IL1RAPL1: variants seen among roughly 807,000 people sequenced by gnomAD.
IL1RAPL1 encodes the protein interleukin 1 receptor accessory protein like 1, also known as interleukin-1 receptor accessory protein-like 1.
In IL1RAPL1, 3 loss-of-function variants were observed where a neutral mutation model predicts 48.4. The ratio of observed to expected loss-of-function variants is 0.06; its 90% confidence interval spans 0.03 to 0.16. The LOEUF is 0.16. IL1RAPL1 is among the 10% of genes least tolerant of loss of function. The pLI, the probability that IL1RAPL1 is intolerant of heterozygous loss-of-function variation, is 1.00. For synonymous variants in IL1RAPL1, 185 were observed against 187.7 expected (o/e 0.99, Z 0.12); for missense variants, 349 against 530.6 (o/e 0.66, Z 3.36).
chrX:29,156,524 C>A (rs749204663), intron 2 of IL1RAPL1, among the ~76,000 whole-genome samples: 3 of 111,873 alleles, frequency 2.7e-5, no homozygotes, highest in Admixed American at 1.9e-4. Flanking sequence ...TTATCTTTAG[C>A]GATTCCTTTC....
At chrX:29,398,700 T>C (rs1933949701) in intron 4 of IL1RAPL1, among the ~76,000 whole-genome samples, 1 of 112,247 alleles carries the variant, frequency 8.9e-6, no homozygotes, top group African/African-American at 3.2e-5. Flanking sequence ...CAGCAAATTT[T>C]CTGCTTTCCA....
At chrX:29,803,618 T>C (rs1385216211) in intron 6 of IL1RAPL1, among the ~76,000 whole-genome samples, 2 of 103,568 alleles carry the variant, frequency 1.9e-5, no homozygotes, top group Non-Finnish European at 3.9e-5. Flanking sequence ...CACGTGTGTA[T>C]ATATGTATAT....
At chrX:28,715,365 C>T (rs776388499) in intron 1 of IL1RAPL1, among the ~76,000 whole-genome samples, 2 of 111,770 alleles carry the variant, frequency 1.8e-5, no homozygotes, top group Non-Finnish European at 3.8e-5. Context: ...AAAGATACAT[C>T]GTACCAGAAT....
chrX:29,202,111 A>G (rs1341321417), intron 2 of IL1RAPL1, among the ~76,000 whole-genome samples: 1 of 112,782 alleles, frequency 8.9e-6, no homozygotes, highest in Non-Finnish European at 1.9e-5. Context: ...TATGCAAACT[A>G]TGCAACCGAC....
intron 2 of IL1RAPL1, among the ~76,000 whole-genome samples, chrX:28,802,555 G>A (rs1472905923): frequency 1.8e-5 from 2 of 111,985 alleles, no homozygotes; most frequent in East Asian, 5.6e-4. Flanking sequence ...TTGCTACCTT[G>A]AGCTCAATAA....
intron 3 of IL1RAPL1, among the ~76,000 whole-genome samples, chrX:29,288,718 T>TA (rs1932325808): frequency 8.9e-6 from 1 of 112,347 alleles, no homozygotes; most frequent in African/African-American, 3.2e-5. Context: ...TGTTTCTATA[T>TA]CTTTGAGGAA....
intron 6 of IL1RAPL1, among the ~76,000 whole-genome samples, chrX:29,908,253 G>A (rs979915309): frequency 1.6e-4 from 18 of 109,805 alleles, no homozygotes; most frequent in African/African-American, 6.0e-4. Flanking sequence ...TAGGCAGATA[G>A]TGTTTCATTT....
intron 5 of IL1RAPL1, among the ~76,000 whole-genome samples, chrX:29,419,342 C>A (rs1464981140): frequency 9.2e-6 from 1 of 108,370 alleles, no homozygotes; most frequent in Non-Finnish European, 1.9e-5. Context: ...TTTTTTGAGC[C>A]AGAGTTTCGC....
At chrX:29,449,038 G>C (rs1337777205) in intron 5 of IL1RAPL1, among the ~76,000 whole-genome samples, 2 of 111,153 alleles carry the variant, frequency 1.8e-5, no homozygotes, top group African/African-American at 6.5e-5. Flanking sequence ...TCACATTGGG[G>C]GTTAGTGCTT....
chrX:29,757,687 T>C (rs143363340), intron 6 of IL1RAPL1, among the ~76,000 whole-genome samples: 1 of 112,047 alleles, frequency 8.9e-6, no homozygotes, highest in African/African-American at 3.2e-5. Context: ...TGGAGAGTTT[T>C]TTCCTAACTA....
intron 2 of IL1RAPL1, among the ~76,000 whole-genome samples, chrX:28,902,636 T>C (rs1480240358): frequency 6.3e-5 from 7 of 111,964 alleles, no homozygotes; most frequent in Non-Finnish European, 9.4e-5. Flanking sequence ...TTTTATCTAC[T>C]CTTCAAAACT....
chrX:29,127,629 G>A (rs1423489873), intron 2 of IL1RAPL1, among the ~76,000 whole-genome samples: 4 of 111,546 alleles, frequency 3.6e-5, no homozygotes, highest in African/African-American at 1.3e-4. Flanking sequence ...ACTGCCTACA[G>A]CACACCTCCA....
chrX:28,628,697 T>G (rs73205766), intron 1 of IL1RAPL1, among the ~76,000 whole-genome samples: 26,529 of 111,426 alleles, frequency 0.24, 3,074 homozygotes, highest in Non-Finnish European at 0.35. Flanking sequence ...CCAAGTCAAA[T>G]GCATGAAACT....
intron 5 of IL1RAPL1, among the ~76,000 whole-genome samples, chrX:29,430,593 ATGTGTG>A (rs1190938424): frequency 2.0e-5 from 1 of 50,808 alleles, no homozygotes; most frequent in Non-Finnish European, 3.8e-5. Context: ...ATATATATAT[ATGTGTG>A]TGTGTGTGTG....
At chrX:29,612,955 C>T (rs1217379425) in intron 5 of IL1RAPL1, among the ~76,000 whole-genome samples, 2 of 112,022 alleles carry the variant, frequency 1.8e-5, no homozygotes, top group African/African-American at 3.2e-5. Flanking sequence ...ACATAAGTTT[C>T]CTGCCCTCTG....
At chrX:29,455,504 G>A (rs67944466) in intron 5 of IL1RAPL1, among the ~76,000 whole-genome samples, 11,178 of 111,311 alleles carry the variant, frequency 0.1, 935 homozygotes, top group African/African-American at 0.28. Flanking sequence ...AAAGTGTTCA[G>A]GCAAAGGAAC....
intron 1 of IL1RAPL1, among the ~76,000 whole-genome samples, chrX:28,728,534 C>T (rs187162669): frequency 1.7e-3 from 188 of 111,283 alleles, no homozygotes; most frequent in Middle Eastern, 4.6e-3. Flanking sequence ...GAGGAAAGAT[C>T]GTTCTATCTT....
Position 29,850,578 on chromosome X carries a change from C to A in IL1RAPL1, c.779-66886C>A, listed in dbSNP as rs746560160. On this transcript the variant is annotated intron_variant, in intron 6 of 10. Coordinates refer to ENST00000378993, the MANE Select transcript of IL1RAPL1 (RefSeq NM_014271.4). ...GTGGTGCAGACCACCCTCTCCCCTGCTGGAGCCCGTAAGGCTCGGTGTGGG... is the reference window on the plus strand; with the variant it reads ...GTGGTGCAGACCACCCTCTCCCCTGATGGAGCCCGTAAGGCTCGGTGTGGG... 4.4e-5 allele frequency among the ~76,000 whole-genome samples: 5 copies of A among 112,526 alleles called. No homozygotes were observed. The South Asian group carries it at 1.9e-3, about 42-fold the overall frequency.
At chrX:29,809,407 T>C (rs994360945) in intron 6 of IL1RAPL1, among the ~76,000 whole-genome samples, 42 of 110,557 alleles carry the variant, frequency 3.8e-4, no homozygotes, top group African/African-American at 1.3e-3. Context: ...CCGGCCGAGT[T>C]TGAACGTTTT....
Sources: gnomAD v4.1 joint callset for allele counts (sites outside exome capture counted in the v4.1 genomes callset) on GRCh38, gnomAD v4.1.1 for gene constraint, MANE v1.5 for transcripts, NCBI Gene and HGNC (gene_info 2026-07-23, HGNC 2026-07-21) for gene names.